Variants in TMEM273 observed in about 807,000 individuals in gnomAD.
TMEM273 encodes transmembrane protein 273, also known as chromosome 10 open reading frame 128.
In TMEM273, 19 loss-of-function variants were observed where a neutral mutation model predicts 17.9. The observed-to-expected ratio is 1.06, with a 90% CI of 0.74 to 1.55. TMEM273 has a LOEUF of 1.55. Among genes scored for constraint, TMEM273 ranks in the 40% most tolerant of loss-of-function variants. The pLI, the probability that TMEM273 is intolerant of heterozygous loss-of-function variation, is 0.00. For missense variants in TMEM273, 194 were observed against 155.6 expected (o/e 1.25, Z -1.31); for synonymous variants, 66 against 62.0 (o/e 1.07, Z -0.31).
chr10:49,178,533 T>C, intron 1 of TMEM273: 1 of 309,976 alleles, frequency 3.2e-6, no homozygotes, highest in South Asian at 2.8e-5. Flanking sequence ...GGATGTTCCC[T>C]GAGACCAGGG....
At chr10:49,172,751 G>A (rs1426776918) in intron 1 of TMEM273, among the ~76,000 whole-genome samples, 1 of 152,200 alleles carries the variant, frequency 6.6e-6, no homozygotes, top group East Asian at 1.9e-4. Context: ...AATTGAGTGT[G>A]TGCACAGAGT....
intron 1 of TMEM273, among the ~76,000 whole-genome samples, chr10:49,179,402 A>G (rs1011458599): frequency 6.6e-6 from 1 of 152,114 alleles, no homozygotes; most frequent in African/African-American, 2.4e-5. Context: ...CTTTCACCCC[A>G]TGGGGAAGAC....
chr10:49,163,917 C>T (rs186752672), intron 5 of TMEM273, among the ~76,000 whole-genome samples: 5 of 152,230 alleles, frequency 3.3e-5, no homozygotes, highest in Admixed American at 2.6e-4. Context: ...AGTCATGACC[C>T]GCAGCCACAA....
chr10:49,186,520 C>T (rs1847740179), intron 1 of TMEM273, among the ~76,000 whole-genome samples: 1 of 152,206 alleles, frequency 6.6e-6, no homozygotes, highest in African/African-American at 2.4e-5. Flanking sequence ...AATGAGTCCC[C>T]TCATATCCAA....
chr10:49,157,264 C>A (rs1267922977), intron 6 of TMEM273, among the ~76,000 whole-genome samples: 1 of 152,214 alleles, frequency 6.6e-6, no homozygotes, highest in Non-Finnish European at 1.5e-5. Flanking sequence ...GATACCTCTG[C>A]AGATGGGTGT....
At chr10:49,184,635 G>A (rs1388298053) in intron 1 of TMEM273, among the ~76,000 whole-genome samples, 1 of 152,224 alleles carries the variant, frequency 6.6e-6, no homozygotes, top group East Asian at 1.9e-4. Flanking sequence ...AAGTTGGGCA[G>A]TATCAAGTAT....
intron 6 of TMEM273, 47 bp from the exon 7 acceptor site, chr10:49,155,956 ATACTC>A: frequency 1.2e-6 from 2 of 1,613,630 alleles, no homozygotes; most frequent in Non-Finnish European, 1.7e-6. Context: ...GAGAGCAACT[ATACTC>A]TAATGATTGC....
At chr10:49,165,404 C>T in intron 4 of TMEM273, 121 bp from the exon 5 acceptor site, 1 of 1,520,870 alleles carries the variant, frequency 6.6e-7, no homozygotes, top group Non-Finnish European at 8.8e-7. Flanking sequence ...CAGGGAAGCC[C>T]AGAAACCTGG....
chr10:49,164,906 G>T (rs1455908837), intron 5 of TMEM273, among the ~76,000 whole-genome samples: 2 of 152,006 alleles, frequency 1.3e-5, no homozygotes, highest in Admixed American at 1.3e-4. Flanking sequence ...GGGGGAGATT[G>T]TCCTACTTCT....
chr10:49,187,419 G>T (rs907535342), intron 1 of TMEM273, among the ~76,000 whole-genome samples: 1 of 152,214 alleles, frequency 6.6e-6, no homozygotes, highest in Non-Finnish European at 1.5e-5. Context: ...GGAGACACAA[G>T]ATTTAATCTG....
intron 6 of TMEM273, chr10:49,156,350 C>T (rs1259828073): frequency 1.4e-5 from 16 of 1,121,938 alleles, no homozygotes; most frequent in Non-Finnish European, 1.8e-5. Flanking sequence ...GAGGGTGAGA[C>T]TTCTCTGTGC....
chr10:49,159,474 T>A (rs187885370), intron 6 of TMEM273, among the ~76,000 whole-genome samples: 1 of 152,154 alleles, frequency 6.6e-6, no homozygotes, highest in Non-Finnish European at 1.5e-5. Context: ...AAAAATATTA[T>A]GTGGTGGAAA....
At chr10:49,188,014 A>G (rs1167103384) in intron 1 of TMEM273, among the ~76,000 whole-genome samples, 1 of 152,210 alleles carries the variant, frequency 6.6e-6, no homozygotes, top group Admixed American at 6.5e-5. Flanking sequence ...TTTATCAGCA[A>G]TGGAGCCACA....
chr10:49,176,545 G>A (rs1846982540), intron 1 of TMEM273, among the ~76,000 whole-genome samples: 1 of 152,240 alleles, frequency 6.6e-6, no homozygotes, highest in Non-Finnish European at 1.5e-5. Flanking sequence ...TTGTGGAAGA[G>A]GAAAGCGTTG....
At chr10:49,162,177 G>T (rs1362338976) in intron 5 of TMEM273, among the ~76,000 whole-genome samples, 1 of 152,110 alleles carries the variant, frequency 6.6e-6, no homozygotes, top group Non-Finnish European at 1.5e-5. Context: ...AACATAAAAA[G>T]CACAGTGACT....
chr10:49,185,836 G>C (rs2132304335), intron 1 of TMEM273, among the ~76,000 whole-genome samples: 1 of 151,974 alleles, frequency 6.6e-6, no homozygotes, highest in Admixed American at 6.6e-5. Context: ...AAATTAGCCA[G>C]GTGCGGGGGC....
Position 49,167,950 on chromosome 10 carries a change from G to C in TMEM273, c.56C>G (p.Ala19Gly), listed in dbSNP as rs568354928. 1 of 1,614,056 alleles carries C rather than the reference G, an allele frequency of 6.2e-7. No individual in the cohort carries two copies. Among genetic ancestry groups the C allele is most frequent in the Admixed American group, 1.7e-5 (1 of 60,018 alleles). Residue 19 changes from alanine (A) to glycine (G), a missense_variant, in exon 2 of 7, where the codon GCT (alanine) becomes GGT (glycine). Coordinates refer to ENST00000374153, the MANE Select transcript of TMEM273 (RefSeq NM_001288740.3). ...RILFLLDVGGAQVLATGKTPG... is the reference protein window; with the variant it reads ...RILFLLDVGGGQVLATGKTPG... ...GGTCTTGCCTGTTGCCAGCACTTGA[G>C]CTCCTCCTACATCTGCAAAGAAAGA...
At chr10:49,159,993 A>C (rs1301754143) in intron 6 of TMEM273, among the ~76,000 whole-genome samples, 1 of 152,208 alleles carries the variant, frequency 6.6e-6, no homozygotes. Flanking sequence ...AATAATCCTC[A>C]ACAAAAGAAG....
intron 1 of TMEM273, among the ~76,000 whole-genome samples, chr10:49,174,055 G>A (rs1013621009): frequency 1.9e-4 from 29 of 152,308 alleles, no homozygotes; most frequent in African/African-American, 6.5e-4. Flanking sequence ...TTGATCCTGG[G>A]CTTCCCTTTT....
Sources: allele counts gnomAD v4.1 joint callset (sites outside exome capture counted in the v4.1 genomes callset), GRCh38; gene constraint gnomAD v4.1.1; transcripts MANE v1.5; gene names NCBI Gene and HGNC (gene_info 2026-07-23, HGNC 2026-07-21).